The following GALNT1 variants were observed in gnomAD, a reference collection of about 807,000 sequenced individuals.
The protein encoded by GALNT1 is GalNAc transferase 1.
GALNT1 carries 17 observed loss-of-function variants against 65.7 expected under a neutral mutation model. The observed-to-expected ratio is 0.26, with a 90% CI of 0.18 to 0.39. The LOEUF is 0.39. Among genes scored for constraint, GALNT1 ranks in the 10% least tolerant of loss-of-function variants. The pLI is 1.00. For synonymous variants in GALNT1, 210 were observed against 219.7 expected (o/e 0.96, Z 0.39); for missense variants, 460 against 672.8 (o/e 0.68, Z 3.50).
intron 1 of GALNT1, among the ~76,000 whole-genome samples, chr18:35,585,371 C>A (rs1445608288): frequency 1.3e-5 from 2 of 152,234 alleles, no homozygotes; most frequent in East Asian, 1.9e-4. Context: ...TGCTCAAGGT[C>A]TTTCTCCTTG....
chr18:35,702,728 C>T (rs190454107), intron 9 of GALNT1, 169 bp from the exon 10 acceptor site: 2 of 397,168 alleles, frequency 5.0e-6, no homozygotes, highest in Non-Finnish European at 9.2e-6. Flanking sequence ...AGTTGTAAGA[C>T]CTTTCTAGAC....
chr18:35,653,846 T>C (rs576713179), intron 1 of GALNT1, among the ~76,000 whole-genome samples: 2 of 152,350 alleles, frequency 1.3e-5, no homozygotes, highest in South Asian at 4.1e-4. Context: ...ATAAAATTAT[T>C]GTCAGAGCCA....
chr18:35,660,097 G>A (rs1283498210), intron 2 of GALNT1, among the ~76,000 whole-genome samples: 1 of 152,116 alleles, frequency 6.6e-6, no homozygotes, highest in Non-Finnish European at 1.5e-5. Context: ...AATATAGTAG[G>A]AAACATTTTG....
intron 11 of GALNT1, among the ~76,000 whole-genome samples, chr18:35,705,225 C>T (rs2144758034): frequency 6.6e-6 from 1 of 152,304 alleles, no homozygotes; most frequent in Non-Finnish European, 1.5e-5. Context: ...ATGCTTCCCT[C>T]TGCCTGACAC....
intron 1 of GALNT1, among the ~76,000 whole-genome samples, chr18:35,585,630 C>G (rs1162446213): frequency 5.3e-5 from 8 of 152,228 alleles, no homozygotes; most frequent in Non-Finnish European, 1.0e-4. Context: ...ACCTACTACC[C>G]TTCTACCTCC....
intron 1 of GALNT1, chr18:35,591,756 T>G: frequency 6.5e-6 from 1 of 154,522 alleles, no homozygotes; most frequent in Middle Eastern, 5.2e-4. Flanking sequence ...GAGTGATTGC[T>G]ATTTCAAAAG....
chr18:35,689,469 C>G (rs537885476), intron 7 of GALNT1, among the ~76,000 whole-genome samples, 179 bp downstream of exon 7: 49 of 152,212 alleles, frequency 3.2e-4, no homozygotes, highest in African/African-American at 1.2e-3. Flanking sequence ...ACTATTGAAG[C>G]AAATAATTTA....
At chr18:35,595,206 G>A (rs907843132) in intron 1 of GALNT1, among the ~76,000 whole-genome samples, 1 of 152,110 alleles carries the variant, frequency 6.6e-6, no homozygotes, top group African/African-American at 2.4e-5. Flanking sequence ...AAAAAGTAAT[G>A]TAATATTTAA....
intron 1 of GALNT1, among the ~76,000 whole-genome samples, chr18:35,601,010 A>G (rs1194657998): frequency 1.3e-5 from 2 of 152,126 alleles, no homozygotes; most frequent in East Asian, 1.9e-4. Flanking sequence ...TAATTTGAGT[A>G]GAATTGGTAT....
intron 1 of GALNT1, among the ~76,000 whole-genome samples, chr18:35,620,610 T>A (rs1463614748): frequency 6.6e-6 from 1 of 152,202 alleles, no homozygotes; most frequent in Non-Finnish European, 1.5e-5. Flanking sequence ...CTGTTTTATT[T>A]TAATATGTTT....
chr18:35,692,066 A>G lies in GALNT1; in HGVS notation c.1160-115A>G, dbSNP rs968973558. On this transcript the variant is annotated intron_variant, in intron 8 of 11. Coordinates refer to ENST00000269195, the MANE Select transcript of GALNT1 (RefSeq NM_020474.4). The stretch of plus-strand genomic sequence containing the variant: ...ATGGTGTCTCCACTTGTATAGTCAC[A>G]TATCACCCAGCTGATACCACTGTTC... The G allele has an allele frequency of 1.7e-4, 141 of 832,390 alleles. No individual in the cohort carries two copies. In the Middle Eastern group the frequency reaches 5.0e-3, roughly 30 times the overall value. 51.6% of individuals were successfully genotyped at this position (832,390 alleles called of 1,614,324 possible). A position where few individuals can be genotyped will look rare whatever the true frequency, so the allele number is the denominator to read the frequency against.
intron 1 of GALNT1, among the ~76,000 whole-genome samples, chr18:35,602,901 C>T (rs953405719): frequency 6.6e-6 from 1 of 152,106 alleles, no homozygotes; most frequent in African/African-American, 2.4e-5. Context: ...TCCCTGTTTG[C>T]TGTTTCTTGT....
intron 5 of GALNT1, among the ~76,000 whole-genome samples, chr18:35,685,894 C>T (rs554056944): frequency 6.6e-6 from 1 of 152,210 alleles, no homozygotes; most frequent in East Asian, 1.9e-4. Flanking sequence ...TGGCGAAACC[C>T]CAGCTCTACT....
chr18:35,683,559 G>GA lies in GALNT1; in HGVS notation c.651dup (p.Trp218MetfsTer12). Reference sequence around the variant, plus strand: ...GATGCCCATTGTGAGTGTACAGTGGGATGGCTGGAGCCTCTCTTGGCCAGG... The same window carrying GA: ...GATGCCCATTGTGAGTGTACAGTGGGAATGGCTGGAGCCTCTCTTGGCCAGG... On this transcript the variant is annotated frameshift_variant, in exon 5 of 12. Coordinates refer to ENST00000269195, the MANE Select transcript of GALNT1 (RefSeq NM_020474.4). LOFTEE classifies it high-confidence loss of function. The GA allele has an allele frequency of 6.2e-7, 1 of 1,613,734 alleles. No individual in the cohort carries two copies. The highest frequency in any genetic ancestry group is 8.5e-7 in the Non-Finnish European group (1 of 1,179,746).
chr18:35,644,765 C>T lies in GALNT1; in HGVS notation c.-103-9795C>T, dbSNP rs764451418. On this transcript the variant is annotated intron_variant, in intron 1 of 11. Transcript: ENST00000269195. ...CAGCACTTTGGGAGGCTGAGGCGGG[C>T]GTATCACTTCAGGTGACGCGTTTGA... Among the ~76,000 whole-genome samples, 7 of 152,130 alleles carry T rather than the reference C, an allele frequency of 4.6e-5. No homozygotes were observed. In the South Asian group the frequency reaches 6.2e-4, roughly 14 times the overall value.
rs1372119689 is a variant in GALNT1 at position 35,682,906 on chromosome 18, A to AT, written c.482-483dup. Among the ~76,000 whole-genome samples the AT allele has an allele frequency of 5.1e-3, 276 of 53,736 alleles. 4 individuals carry two copies. The highest frequency in any genetic ancestry group is 0.048 in the East Asian group (96 of 2,018). 35.3% of individuals were successfully genotyped at this position (53,736 alleles called of 152,430 possible). The stretch of plus-strand genomic sequence containing the variant: ...GTGTGACCCCACTTTCTGCCCCCTG[A>AT]TTAAAAAAAAAAAAAAAAAAAAAGT... On this transcript the variant is annotated intron_variant, in intron 4 of 11. Transcript: ENST00000269195.
At chr18:35,685,484 TAAAAA>T (rs66682919) in intron 5 of GALNT1, among the ~76,000 whole-genome samples, 1 of 132,298 alleles carries the variant, frequency 7.6e-6, no homozygotes, top group South Asian at 2.5e-4. Context: ...AAGGATGGCT[TAAAAA>T]AAAAAAAAAA....
intron 6 of GALNT1, among the ~76,000 whole-genome samples, chr18:35,688,330 A>G (rs2047901105): frequency 6.6e-6 from 1 of 152,186 alleles, no homozygotes; most frequent in Non-Finnish European, 1.5e-5. Context: ...CAATGAGTAC[A>G]TTTTAGGGTT....
chr18:35,618,759 CA>C (rs1486230221), intron 1 of GALNT1, among the ~76,000 whole-genome samples: 1 of 151,852 alleles, frequency 6.6e-6, no homozygotes, highest in Non-Finnish European at 1.5e-5. Context: ...GTTCTGAGAG[CA>C]GGAAGCAAAT....
Sources: gnomAD v4.1 joint callset for allele counts (sites outside exome capture counted in the v4.1 genomes callset) on GRCh38, gnomAD v4.1.1 for gene constraint, MANE v1.5 for transcripts, NCBI Gene and HGNC (gene_info 2026-07-23, HGNC 2026-07-21) for gene names.